Variants in DZIP1 observed in about 807,000 individuals in gnomAD.
DZIP1 encodes the protein cilium assembly protein DZIP1.
Under a neutral mutation model 107.6 loss-of-function variants are expected in DZIP1, and 97 were observed. The observed-to-expected ratio is 0.90, with a 90% CI of 0.77 to 1.07. DZIP1 has a LOEUF of 1.07. Ranked by LOEUF, DZIP1 falls within the 50% of genes least tolerant of loss-of-function variation. The pLI, the probability that DZIP1 is intolerant of heterozygous loss-of-function variation, is 0.00. For synonymous variants in DZIP1, 390 were observed against 386.4 expected (o/e 1.01, Z -0.11); for missense variants, 1,035 against 1,063.6 (o/e 0.97, Z 0.37).
At chr13:95,638,500 A>G (rs1437281468) in intron 5 of DZIP1, among the ~76,000 whole-genome samples, 1 of 152,182 alleles carries the variant, frequency 6.6e-6, no homozygotes, top group African/African-American at 2.4e-5. Flanking sequence ...AAAATCGATG[A>G]GATTTTTCTT....
chr13:95,611,699 C>T (rs1277944868), intron 11 of DZIP1, among the ~76,000 whole-genome samples: 1 of 152,090 alleles, frequency 6.6e-6, no homozygotes, highest in East Asian at 1.9e-4. Context: ...AAAAACCTGT[C>T]CATGTACACC....
At chr13:95,618,408 G>A (rs1018913727) in intron 10 of DZIP1, among the ~76,000 whole-genome samples, 14 of 152,156 alleles carry the variant, frequency 9.2e-5, no homozygotes, top group Admixed American at 6.6e-4. Flanking sequence ...GTATGTCTGT[G>A]TATTATCACT....
intron 9 of DZIP1, 72 bp downstream of exon 9, chr13:95,622,271 G>T: frequency 1.3e-6 from 2 of 1,588,066 alleles, no homozygotes; most frequent in South Asian, 2.2e-5. Context: ...TTCTGCAGAT[G>T]ACACTCACTG....
chr13:95,614,574 G>A (rs1327600416), intron 10 of DZIP1, among the ~76,000 whole-genome samples: 1 of 152,144 alleles, frequency 6.6e-6, no homozygotes, highest in Non-Finnish European at 1.5e-5. Flanking sequence ...ACGGAAAAGA[G>A]TACATGGAGA....
chr13:95,587,848 A>C (rs1209596320), intron 19 of DZIP1, 119 bp from the exon 20 acceptor site: 1 of 1,283,528 alleles, frequency 7.8e-7, no homozygotes, highest in African/African-American at 1.5e-5. Flanking sequence ...CAGTGGGCAC[A>C]AGTGCCTTTG....
intron 5 of DZIP1, among the ~76,000 whole-genome samples, chr13:95,639,918 A>T (rs1187070076): frequency 6.6e-6 from 1 of 152,120 alleles, no homozygotes; most frequent in Non-Finnish European, 1.5e-5. Flanking sequence ...ATTATACCTC[A>T]GGGTTGTCTA....
intron 5 of DZIP1, among the ~76,000 whole-genome samples, chr13:95,635,469 T>A (rs1877690937): frequency 6.6e-6 from 1 of 152,200 alleles, no homozygotes; most frequent in Non-Finnish European, 1.5e-5. Flanking sequence ...AGTGCTGGAA[T>A]TACAGGTGTA....
intron 16 of DZIP1, among the ~76,000 whole-genome samples, chr13:95,593,345 A>T (rs1430994934): frequency 1.3e-5 from 2 of 152,238 alleles, no homozygotes; most frequent in African/African-American, 4.8e-5. Flanking sequence ...CAAGCTTTGC[A>T]TATATGTGTA....
chr13:95,607,982 C>T (rs928083944), intron 13 of DZIP1, among the ~76,000 whole-genome samples: 2 of 152,166 alleles, frequency 1.3e-5, no homozygotes, highest in Non-Finnish European at 2.9e-5. Context: ...CTGACTTTCA[C>T]CTTGTGATTT....
intron 14 of DZIP1, among the ~76,000 whole-genome samples, chr13:95,604,203 G>T (rs571653185): frequency 6.6e-6 from 1 of 152,214 alleles, no homozygotes; most frequent in Non-Finnish European, 1.5e-5. Context: ...TTTCCCAGGG[G>T]ACCCGACCTA....
chr13:95,611,376 A>T (rs559290090), intron 12 of DZIP1, 69 bp downstream of exon 12: 1 of 1,268,486 alleles, frequency 7.9e-7, no homozygotes, highest in African/African-American at 1.5e-5. Flanking sequence ...TGGGGCCCAC[A>T]TTCTTCTGAA....
At chr13:95,632,809 C>T (rs1877348584) in intron 6 of DZIP1, among the ~76,000 whole-genome samples, 2 of 152,136 alleles carry the variant, frequency 1.3e-5, no homozygotes, top group South Asian at 4.1e-4. Flanking sequence ...CCCAGCACAC[C>T]TCACGTCCCT....
Position 95,607,052 on chromosome 13 carries a change from A to T in DZIP1, c.1421-993T>A, listed in dbSNP as rs75196948. ...CAAACCTCAGCTACTTTTTTATTTT[A>T]TTTTTTTTTAAAAAACACAGTTTTA... On this transcript the variant is annotated intron_variant, in intron 13 of 22. Coordinates refer to ENST00000376829, the MANE Select transcript of DZIP1 (RefSeq NM_198968.4). Among the ~76,000 whole-genome samples the T allele has an allele frequency of 3.5e-4, 45 of 130,002 alleles. 1 individual carries two copies. In the South Asian group the frequency reaches 0.011, roughly 32 times the overall value. 85.3% of individuals were successfully genotyped at this position (130,002 alleles called of 152,430 possible).
At position 95,641,985 on chromosome 13, in the gene DZIP1, G is replaced by A. The variant is rs1322404889; in HGVS notation, c.36+9C>T. The A allele has an allele frequency of 1.4e-5, 22 of 1,577,950 alleles. No homozygotes were observed. The highest frequency in any genetic ancestry group is 1.8e-5 in the Non-Finnish European group (21 of 1,167,422). On this transcript the variant is annotated intron_variant, in intron 4 of 22. Coordinates refer to ENST00000376829, the MANE Select transcript of DZIP1 (RefSeq NM_198968.4). This position sits in a 1 kb window ranked among gnomAD's most constrained non-coding sequence, Gnocchi z 4.3. ...CCCGTCGGGGGCGCCCCGGCCTCCCGCCTCTTACCATGCTTGAAAACCAAT... is the reference window on the plus strand; with the variant it reads ...CCCGTCGGGGGCGCCCCGGCCTCCCACCTCTTACCATGCTTGAAAACCAAT...
In DZIP1 at chr13:95,578,282, T is replaced by G. The variant is rs1378562436; in HGVS notation, c.*3952A>C. ...CATTTATATAGAACATGAAAAGCATTTAGTACCAAAGGTTCAAGAAGTATT... is the reference window on the plus strand; with the variant it reads ...CATTTATATAGAACATGAAAAGCATGTAGTACCAAAGGTTCAAGAAGTATT... On this transcript the variant is annotated 3_prime_UTR_variant, in exon 23 of 23. Transcript: ENST00000376829. The G allele has an allele frequency of 7.8e-6, 2 of 254,888 alleles. No individual in the cohort carries two copies. The highest frequency in any genetic ancestry group is 1.5e-5 in the Non-Finnish European group (2 of 133,326). 15.8% of individuals were successfully genotyped at this position (254,888 alleles called of 1,614,324 possible).
intron 11 of DZIP1, among the ~76,000 whole-genome samples, 188 bp downstream of exon 11, chr13:95,611,849 C>T (rs1009886153): frequency 2.6e-5 from 4 of 152,212 alleles, no homozygotes; most frequent in African/African-American, 4.8e-5. Flanking sequence ...AAATCTTCAA[C>T]ATATTACTTT....
intron 22 of DZIP1, 128 bp downstream of exon 22, chr13:95,584,608 A>G: frequency 1.4e-6 from 2 of 1,455,432 alleles, no homozygotes. Context: ...TTTAAATAAC[A>G]TAAAGAAAGC....
At chr13:95,604,312 C>T (rs1315419634) in intron 14 of DZIP1, among the ~76,000 whole-genome samples, 1 of 152,226 alleles carries the variant, frequency 6.6e-6, no homozygotes, top group African/African-American at 2.4e-5. Flanking sequence ...AAACATTACG[C>T]AATCCATGAC....
chr13:95,609,535 T>A, intron 12 of DZIP1, 22 bp from the exon 13 acceptor site: 1 of 1,560,756 alleles, frequency 6.4e-7, no homozygotes, highest in Non-Finnish European at 8.7e-7. Flanking sequence ...GAAAAATAAA[T>A]GAACAAAAAA....
Sources: gnomAD v4.1 joint callset for allele counts (sites outside exome capture counted in the v4.1 genomes callset) on GRCh38, gnomAD v4.1.1 for gene constraint, Gnocchi (gnomAD v3.1) non-coding constraint, MANE v1.5 for transcripts, NCBI Gene and HGNC (gene_info 2026-07-23, HGNC 2026-07-21) for gene names.